FGF4: variants seen among roughly 807,000 people sequenced by gnomAD.
FGF4 encodes the protein heparin secretory transforming protein 1.
FGF4 carries 9 observed loss-of-function variants against 15.7 expected under a neutral mutation model. The ratio of observed to expected loss-of-function variants is 0.57; its 90% confidence interval spans 0.35 to 1.00. The LOEUF is 1.00. FGF4 is among the 50% of genes least tolerant of loss of function. FGF4 has a pLI of 0.02. For synonymous variants in FGF4, 164 were observed against 144.8 expected, an observed-to-expected ratio of 1.13 and a Z score of -0.95; for missense variants, 286 against 297.3, an observed-to-expected ratio of 0.96 and a Z score of 0.28.
rs1855569388 is a variant in FGF4, at chr11:69,771,598, T to C, written c.*1711A>G. 6.6e-6 allele frequency: 1 copy of C among 152,216 alleles called. No individual in the cohort carries two copies. 9.4% of individuals were successfully genotyped at this position (152,216 alleles called of 1,614,324 possible). On this transcript the variant is annotated 3_prime_UTR_variant, in exon 3 of 3. Coordinates refer to ENST00000168712, the MANE Select transcript of FGF4 (RefSeq NM_002007.4). ...GCATGGTAGGAACAGCAGTTTAAGA[T>C]GTGTGGTCCTGTCTTAGCGGCTTTG...
chr11:69,773,223 T>C lies in FGF4; in HGVS notation c.*86A>G, dbSNP rs991320573. The C allele has an allele frequency of 1.8e-6, 2 of 1,094,942 alleles. No homozygotes were observed. The highest frequency in any genetic ancestry group is 3.1e-5 in the African/African-American group (2 of 63,768). 67.8% of individuals were successfully genotyped at this position (1,094,942 alleles called of 1,614,324 possible). A position where few individuals can be genotyped will look rare whatever the true frequency, so the allele number is the denominator to read the frequency against. On this transcript the variant is annotated 3_prime_UTR_variant, in exon 3 of 3. Transcript: ENST00000168712. The stretch of plus-strand genomic sequence containing the variant: ...TTACACCTACTCTTGCATTAAACTC[T>C]TCATCCGAAGAAAGTGCACCAAGGT...
chr11:69,774,086 T>A lies in FGF4; in HGVS notation c.382A>T (p.Ile128Phe), dbSNP rs374997743. 1.9e-6 allele frequency: 3 copies of A among 1,612,804 alleles called. No homozygotes were observed. In the African/African-American group the frequency reaches 4.0e-5, roughly 22 times the overall value. Residue 128 changes from isoleucine to phenylalanine, a missense_variant, in exon 2 of 3, where the codon ATC becomes TTC. Physicochemically the swap from Ile to Phe is conservative, Grantham distance 21. Transcript: ENST00000168712. The part of the protein sequence containing the change: ...LSPVERGVVS[I>F]FGVASRFFVA... ...AAGAACCGGCTGGCCACGCCGAAGA[T>A]GCTCACCACGCCCCGCTCCACGGGC...
In FGF4 at chr11:69,773,282, A is replaced by G; in HGVS notation, c.*27T>C. 6.2e-7 allele frequency: 1 copy of G among 1,611,860 alleles called. No homozygotes were observed. The highest frequency in any genetic ancestry group is 2.2e-5 in the East Asian group (1 of 44,864). On this transcript the variant is annotated 3_prime_UTR_variant, in exon 3 of 3. Transcript: ENST00000168712. ...GCACTGCCCTCCCAGGGGCTTCCCGAGGCTGAGGCAAGGGTCCTCTGGAGG... is the reference window on the plus strand; with the variant it reads ...GCACTGCCCTCCCAGGGGCTTCCCGGGGCTGAGGCAAGGGTCCTCTGGAGG...
At chr11:69,774,311 A>C (rs1855612040) in intron 1 of FGF4, among the ~76,000 whole-genome samples, 184 bp from the exon 2 acceptor site, 1 of 152,184 alleles carries the variant, frequency 6.6e-6, no homozygotes, top group African/African-American at 2.4e-5. Context: ...CCGGAGCCCA[A>C]GCCTGCGCTA....
intron 1 of FGF4, 53 bp from the exon 2 acceptor site, chr11:69,774,180 C>T (rs1855610751): frequency 2.1e-6 from 3 of 1,439,346 alleles, no homozygotes; most frequent in Non-Finnish European, 1.9e-6. Flanking sequence ...GCCCACTCCG[C>T]CCCTCGGCTT....
chr11:69,773,897 C>A (rs1855605941), intron 2 of FGF4, 127 bp downstream of exon 2: 5 of 718,196 alleles, frequency 7.0e-6, no homozygotes, highest in Non-Finnish European at 1.2e-5. Flanking sequence ...GCCTGCCGGT[C>A]CCGTGACCTG....
At chr11:69,774,678 T>G in intron 1 of FGF4, 67 bp downstream of exon 1, 3 of 1,258,716 alleles carry the variant, frequency 2.4e-6, no homozygotes, top group Non-Finnish European at 3.1e-6. Flanking sequence ...AGAGTGTGAC[T>G]GAGCGGGTTG....
rs764426431 is a variant in FGF4 at position 69,774,031 on chromosome 11, T to C, written c.437A>G (p.Tyr146Cys). The C allele has an allele frequency of 3.1e-6, 5 of 1,612,422 alleles. No individual in the cohort carries two copies. Among genetic ancestry groups the C allele is most frequent in the East Asian group, 2.2e-5 (1 of 44,864 alleles). The change falls in exon 2 of 3, where the codon TAT becomes TGT. Residue 146 changes from tyrosine (Y) to cysteine (C), a missense_variant. Coordinates refer to ENST00000168712, the MANE Select transcript of FGF4 (RefSeq NM_002007.4). ...GACCCCTGCGGTACTCACCGAGCCA[T>C]AGAGCTTGCCCTTGCTGCTCATGGC... ...FVAMSSKGKL[Y>C]GSPFFTDECT...
Position 69,771,209 on chromosome 11 carries a change from A to C in FGF4, c.*2100T>G, listed in dbSNP as rs990240464. 6.6e-5 allele frequency: 10 copies of C among 152,252 alleles called. No homozygotes were observed. Among genetic ancestry groups the C allele is most frequent in the Non-Finnish European group, 1.5e-4 (10 of 68,048 alleles). 9.4% of individuals were successfully genotyped at this position (152,252 alleles called of 1,614,324 possible). ...AGATTCTGAAAACAGTGGCACATAC[A>C]GGAACCTCGAATCCCCATCACAGCA... On this transcript the variant is annotated 3_prime_UTR_variant, in exon 3 of 3. Coordinates refer to ENST00000168712, the MANE Select transcript of FGF4 (RefSeq NM_002007.4).
chr11:69,772,733 A>C lies in FGF4; in HGVS notation c.*576T>G, dbSNP rs931007189. On this transcript the variant is annotated 3_prime_UTR_variant, in exon 3 of 3. Coordinates refer to ENST00000168712, the MANE Select transcript of FGF4 (RefSeq NM_002007.4). ...GGAAGATTGACTACAGGAAAGTTCAAAGGTCAGTCTTGGCAGATCTAAAAA... is the reference window on the plus strand; with the variant it reads ...GGAAGATTGACTACAGGAAAGTTCACAGGTCAGTCTTGGCAGATCTAAAAA... 6.5e-6 allele frequency: 1 copy of C among 154,620 alleles called. No individual in the cohort carries two copies. Among genetic ancestry groups the C allele is most frequent in the African/African-American group, 2.4e-5 (1 of 41,514 alleles). The allele number at this position is 154,620 out of a possible 1,614,324, so 9.6% of individuals were successfully genotyped here. A position where few individuals can be genotyped will look rare whatever the true frequency, so the allele number is the denominator to read the frequency against.
At position 69,774,071 on chromosome 11, in the gene FGF4, T is replaced by C. The variant is rs1409407660; in HGVS notation, c.397A>G (p.Ser133Gly). 4 of 1,613,084 alleles carry C rather than the reference T, an allele frequency of 2.5e-6. No homozygotes were observed. Among genetic ancestry groups the C allele is most frequent in the Non-Finnish European group, 3.4e-6 (4 of 1,179,956 alleles). ...RGVVSIFGVA[S>G]RFFVAMSSKG... ...CTGCTCATGGCCACGAAGAACCGGC[T>C]GGCCACGCCGAAGATGCTCACCACG... Residue 133 changes from serine (S) to glycine (G), a missense_variant, in exon 2 of 3, where the codon AGC becomes GGC. Physicochemically the swap from Ser to Gly is moderately conservative, Grantham distance 56 (BLOSUM62 0). Transcript: ENST00000168712.
Position 69,773,040 on chromosome 11 carries a change from A to T in FGF4, c.*269T>A. 2.5e-6 allele frequency: 1 copy of T among 404,202 alleles called. No individual in the cohort carries two copies. Among genetic ancestry groups the T allele is most frequent in the Non-Finnish European group, 4.4e-6 (1 of 225,672 alleles). 25.0% of individuals were successfully genotyped at this position (404,202 alleles called of 1,614,324 possible). On this transcript the variant is annotated 3_prime_UTR_variant, in exon 3 of 3. Transcript: ENST00000168712. ...CGTGACAACTTTTGACAAGTTAAAG[A>T]AATCCAATGGTAAGATTCTCCACTG...
chr11:69,775,012 C>A lies in FGF4; in HGVS notation c.73G>T (p.Gly25Cys). Residue 25 changes from glycine (G) to cysteine (C), a missense_variant, in exon 1 of 3, where the codon GGC (glycine) becomes TGC (cysteine). Gly to Cys is a radical substitution (Grantham distance 159). Coordinates refer to ENST00000168712, the MANE Select transcript of FGF4 (RefSeq NM_002007.4). ...VLLALLAPWAGRGGAAAPTAP... is the reference protein window; with the variant it reads ...VLLALLAPWACRGGAAAPTAP... ...GTGGGTGCGGCGGCGCCCCCTCGGC[C>A]CGCCCAGGGCGCCAGCAAGGCCAGC... 6.9e-7 allele frequency: 1 copy of A among 1,442,356 alleles called. No homozygotes were observed. The highest frequency in any genetic ancestry group is 9.1e-7 in the Non-Finnish European group (1 of 1,104,330). 89.3% of individuals were successfully genotyped at this position (1,442,356 alleles called of 1,614,324 possible).
chr11:69,774,791 C>A lies in FGF4; in HGVS notation c.294G>T (p.Ala98=), dbSNP rs199745821. ...CGCCGCCGATGCGGCCGTCGGGGAGCGCCTGGAGGTGGAAGCCGATGCCCA... is the reference window on the plus strand; with the variant it reads ...CGCCGCCGATGCGGCCGTCGGGGAGAGCCTGGAGGTGGAAGCCGATGCCCA... ...CNVGIGFHLQ[A]LPDGRIGGAH... Residue 98 remains alanine, a synonymous_variant, in exon 1 of 3, where the codon GCG becomes GCT. Coordinates refer to ENST00000168712, the MANE Select transcript of FGF4 (RefSeq NM_002007.4). 1,830 of 1,521,742 alleles carry A rather than the reference C, an allele frequency of 1.2e-3. 1 individual carries two copies. Among genetic ancestry groups the A allele is most frequent in the Non-Finnish European group, 1.5e-3 (1,755 of 1,145,632 alleles). 94.3% of individuals were successfully genotyped at this position (1,521,742 alleles called of 1,614,324 possible). A position where few individuals can be genotyped will look rare whatever the true frequency, so the allele number is the denominator to read the frequency against.
rs1304793898 is a variant in FGF4 at position 69,771,290 on chromosome 11, T to C, written c.*2019A>G. On this transcript the variant is annotated 3_prime_UTR_variant, in exon 3 of 3. Coordinates refer to ENST00000168712, the MANE Select transcript of FGF4 (RefSeq NM_002007.4). ...GTGTTCCTACAGGCATCACACATGATTTGTTGAAGAAATATCTATAAGAAG... is the reference window on the plus strand; with the variant it reads ...GTGTTCCTACAGGCATCACACATGACTTGTTGAAGAAATATCTATAAGAAG... The C allele has an allele frequency of 6.6e-6, 1 of 152,210 alleles. No homozygotes were observed. The highest frequency in any genetic ancestry group is 2.4e-5 in the African/African-American group (1 of 41,440). 9.4% of individuals were successfully genotyped at this position (152,210 alleles called of 1,614,324 possible).
rs1462934085 is a variant in FGF4 at position 69,771,690 on chromosome 11, CAAAG to C, written c.*1615_*1618del. 6.6e-6 allele frequency: 1 copy of C among 152,186 alleles called. No individual in the cohort carries two copies. The highest frequency in any genetic ancestry group is 2.4e-5 in the African/African-American group (1 of 41,432). 9.4% of individuals were successfully genotyped at this position (152,186 alleles called of 1,614,324 possible). On this transcript the variant is annotated 3_prime_UTR_variant, in exon 3 of 3. Coordinates refer to ENST00000168712, the MANE Select transcript of FGF4 (RefSeq NM_002007.4). ...TTTAAGTCGATGATTTGCATTCGAA[CAAAG>C]AGTTTTCAAAAGGAATGTGAAAGAC...
rs1320613339 is a variant in FGF4 at position 69,773,284 on chromosome 11, G to C, written c.*25C>G. The C allele has an allele frequency of 1.2e-6, 2 of 1,611,948 alleles. No homozygotes were observed. Among genetic ancestry groups the C allele is most frequent in the South Asian group, 1.1e-5 (1 of 90,994 alleles). ...ACTGCCCTCCCAGGGGCTTCCCGAG[G>C]CTGAGGCAAGGGTCCTCTGGAGGGT... is the stretch of plus-strand genomic sequence containing the variant. On this transcript the variant is annotated 3_prime_UTR_variant, in exon 3 of 3. Coordinates refer to ENST00000168712, the MANE Select transcript of FGF4 (RefSeq NM_002007.4).
At position 69,774,107 on chromosome 11, in the gene FGF4, C is replaced by G. The variant is rs776410631; in HGVS notation, c.361G>C (p.Val121Leu). Residue 121 changes from valine (V) to leucine (L), a missense_variant, in exon 2 of 3, where the codon GTG becomes CTG. Physicochemically the swap from Val to Leu is conservative, Grantham distance 32 (BLOSUM62 1). Coordinates refer to ENST00000168712, the MANE Select transcript of FGF4 (RefSeq NM_002007.4). ...TRDSLLELSP[V>L]ERGVVSIFGV... ...AAGATGCTCACCACGCCCCGCTCCACGGGCGAGAGCTCCAGCAGGCCTGGG... is the reference window on the plus strand; with the variant it reads ...AAGATGCTCACCACGCCCCGCTCCAGGGGCGAGAGCTCCAGCAGGCCTGGG... 1.2e-6 allele frequency: 2 copies of G among 1,612,436 alleles called. No homozygotes were observed. The highest frequency in any genetic ancestry group is 4.5e-5 in the East Asian group (2 of 44,870).
Position 69,772,221 on chromosome 11 carries a change from G to A in FGF4, c.*1088C>T, listed in dbSNP as rs1855580212. The A allele has an allele frequency of 6.6e-6, 1 of 152,250 alleles. No homozygotes were observed. Among genetic ancestry groups the A allele is most frequent in the African/African-American group, 2.4e-5 (1 of 41,464 alleles). 9.4% of individuals were successfully genotyped at this position (152,250 alleles called of 1,614,324 possible). On this transcript the variant is annotated 3_prime_UTR_variant, in exon 3 of 3. Transcript: ENST00000168712. Reference sequence around the variant, plus strand: ...CTCCTGCACCGGGTATGAGCTTTCTGTGGGTTTTGCCTGGGGTTTCAGGGC... The same window carrying A: ...CTCCTGCACCGGGTATGAGCTTTCTATGGGTTTTGCCTGGGGTTTCAGGGC...
Sources: gnomAD v4.1 joint callset for allele counts (sites outside exome capture counted in the v4.1 genomes callset) on GRCh38, gnomAD v4.1.1 for gene constraint, MANE v1.5 for transcripts, NCBI Gene and HGNC (gene_info 2026-07-23, HGNC 2026-07-21) for gene names.